P2RY14: variants seen among roughly 807,000 people sequenced by gnomAD.
P2RY14 encodes purinergic receptor P2Y14.
P2RY14 carries 2 observed loss-of-function variants against 0.9 expected under a neutral mutation model. The observed-to-expected ratio is 2.16, with a 90% CI of 0.88 to 6.79. The LOEUF (loss-of-function observed/expected upper bound fraction) is 6.79, where lower values mean the gene tolerates loss of function less well. Ranked by LOEUF, P2RY14 falls within the 30% of genes most tolerant of loss-of-function variation. The pLI is 0.05. For missense variants in P2RY14, 378 were observed against 400.1 expected, an observed-to-expected ratio of 0.94 and a Z score of 0.47; for synonymous variants, 158 against 147.2, an observed-to-expected ratio of 1.07 and a Z score of -0.53.
At chr3:151,214,809 T>C (rs181319061) in intron 2 of P2RY14, among the ~76,000 whole-genome samples, 9 of 152,316 alleles carry the variant, frequency 5.9e-5, no homozygotes, top group Admixed American at 2.0e-4. Context: ...AGGTATAATC[T>C]TAAAAGGTAG....
At chr3:151,214,668 C>T (rs560077942) in intron 2 of P2RY14, among the ~76,000 whole-genome samples, 1 of 150,684 alleles carries the variant, frequency 6.6e-6, no homozygotes, top group African/African-American at 2.4e-5. Flanking sequence ...ATGGAGCAGA[C>T]AGGTGGCAGT....
intron 1 of P2RY14, among the ~76,000 whole-genome samples, chr3:151,251,795 A>G (rs758268721): frequency 1.3e-5 from 2 of 152,192 alleles, no homozygotes; most frequent in East Asian, 1.9e-4. Context: ...CTGAATTTGA[A>G]TTGCATTTTA....
rs557454298 is a variant in P2RY14 at position 151,213,742 on chromosome 3, A to G, written c.575T>C (p.Val192Ala). The G allele has an allele frequency of 2.5e-6, 4 of 1,614,208 alleles. No homozygotes were observed. The South Asian group carries it at 3.3e-5, about 13-fold the overall frequency. Residue 192 changes from valine (V) to alanine (A), a missense_variant, in exon 3 of 3, where the codon GTG becomes GCG. Coordinates refer to ENST00000309170, the MANE Select transcript of P2RY14 (RefSeq NM_014879.4). ...AAGAAACACAATCCAGAAGATGGCC[A>G]CGAAGATGTAGTTTGATGCTTTGTG... Reference protein sequence around the residue: ...KWHKASNYIFVAIFWIVFLLL... With the variant: ...KWHKASNYIFAAIFWIVFLLL...
chr3:151,255,055 G>A (rs569281648), intron 1 of P2RY14, among the ~76,000 whole-genome samples: 2 of 152,104 alleles, frequency 1.3e-5, no homozygotes, highest in East Asian at 1.9e-4. Flanking sequence ...AATAAGCGAG[G>A]CCTTTGCTTG....
At chr3:151,263,410 G>T (rs1338316526) in intron 1 of P2RY14, among the ~76,000 whole-genome samples, 1 of 152,164 alleles carries the variant, frequency 6.6e-6, no homozygotes. Flanking sequence ...TTCACAATTT[G>T]CTATCATAGT....
At chr3:151,215,335 A>G (rs1284829982) in intron 2 of P2RY14, among the ~76,000 whole-genome samples, 1 of 152,216 alleles carries the variant, frequency 6.6e-6, no homozygotes, top group South Asian at 2.1e-4. Context: ...TATAAAATGC[A>G]CACTAGACTT....
At chr3:151,242,371 C>T (rs954913080) in intron 1 of P2RY14, among the ~76,000 whole-genome samples, 14 of 152,232 alleles carry the variant, frequency 9.2e-5, no homozygotes, top group African/African-American at 3.4e-4. Flanking sequence ...CTTAAATGTC[C>T]CTGTCTGACA....
At chr3:151,270,078 A>C in intron 1 of P2RY14, 1 of 223,092 alleles carries the variant, frequency 4.5e-6, no homozygotes, top group South Asian at 5.8e-5. Context: ...AAGATGAAGA[A>C]GATGAAGATG....
Position 151,214,101 on chromosome 3 carries a change from C to G in P2RY14, c.216G>C (p.Leu72=), listed in dbSNP as rs1306400143. ...CACCAAGGATCTTGAAAGGAAAAGT[C>G]AGGCTCATCACAAAGTCAGCAATAA... ...NIVIADFVMS[L]TFPFKILGDS... Residue 72 remains leucine (L), a synonymous_variant, in exon 3 of 3, where the codon CTG becomes CTC. Transcript: ENST00000309170. 6.2e-7 allele frequency: 1 copy of G among 1,614,134 alleles called. No homozygotes were observed. Among genetic ancestry groups the G allele is most frequent in the South Asian group, 1.1e-5 (1 of 91,076 alleles).
At chr3:151,223,594 C>T (rs1196041888) in intron 1 of P2RY14, among the ~76,000 whole-genome samples, 1 of 152,094 alleles carries the variant, frequency 6.6e-6, no homozygotes, top group Non-Finnish European at 1.5e-5. Context: ...AAACAGAAAA[C>T]CAAATACCAC....
intron 1 of P2RY14, among the ~76,000 whole-genome samples, chr3:151,277,453 A>G (rs561761458): frequency 6.6e-6 from 1 of 152,116 alleles, no homozygotes; most frequent in South Asian, 2.1e-4. Context: ...TCAAGTTTGT[A>G]TGTTTTAGAA....
intron 1 of P2RY14, among the ~76,000 whole-genome samples, chr3:151,223,744 C>T (rs1729893652): frequency 6.6e-6 from 1 of 152,122 alleles, no homozygotes; most frequent in Non-Finnish European, 1.5e-5. Context: ...GTTTTGTGTT[C>T]ACTATTTGGG....
intron 1 of P2RY14, among the ~76,000 whole-genome samples, chr3:151,250,769 T>C (rs891994391): frequency 6.6e-6 from 1 of 152,208 alleles, no homozygotes; most frequent in African/African-American, 2.4e-5. Flanking sequence ...TTTCAGTTCT[T>C]TTGGTTATGT....
intron 1 of P2RY14, chr3:151,269,690 A>G (rs1410869147): frequency 2.4e-6 from 1 of 417,706 alleles, no homozygotes; most frequent in Non-Finnish European, 4.6e-6. Context: ...TTACAGAAAG[A>G]TTTTTATTTT....
At position 151,229,330 on chromosome 3, in the gene P2RY14, T is replaced by G. The variant is rs11711104; in HGVS notation, c.-132-9688A>C. Among the ~76,000 whole-genome samples the G allele has an allele frequency of 3.0e-4, 42 of 142,162 alleles. No homozygotes were observed. The East Asian group carries it at 7.5e-3, about 25-fold the overall frequency. The allele number at this position is 142,162 out of a possible 152,430, so 93.3% of individuals were successfully genotyped here. On this transcript the variant is annotated intron_variant, in intron 1 of 2. Transcript: ENST00000309170. Reference sequence around the variant, plus strand: ...CTTTTTTTTTTTTTTTTTTTTGAGATGGAGTCTTGCTCTGTTGCTCAGGCT... The same window carrying G: ...CTTTTTTTTTTTTTTTTTTTTGAGAGGGAGTCTTGCTCTGTTGCTCAGGCT...
At chr3:151,262,225 A>G (rs1229873406) in intron 1 of P2RY14, among the ~76,000 whole-genome samples, 4 of 152,240 alleles carry the variant, frequency 2.6e-5, no homozygotes, top group South Asian at 4.1e-4. Context: ...TAAAGGAAAC[A>G]TTTTGGTTTC....
chr3:151,214,586 C>T (rs1398525827), intron 2 of P2RY14, among the ~76,000 whole-genome samples: 2 of 142,650 alleles, frequency 1.4e-5, no homozygotes, highest in Non-Finnish European at 3.0e-5. Context: ...CTCCTTTCTT[C>T]CTTCTCCCCT....
intron 1 of P2RY14, among the ~76,000 whole-genome samples, chr3:151,260,869 C>T (rs145559288): frequency 1.2e-3 from 183 of 152,246 alleles, no homozygotes; most frequent in African/African-American, 4.1e-3. Flanking sequence ...AAAGCTGAGA[C>T]GTTTCCAGTA....
intron 1 of P2RY14, among the ~76,000 whole-genome samples, chr3:151,233,472 G>A (rs1479181202): frequency 2.6e-5 from 4 of 152,220 alleles, no homozygotes; most frequent in Non-Finnish European, 5.9e-5. Flanking sequence ...GATGGCTCCC[G>A]CCTGTAATCC....
Sources: gnomAD v4.1 joint callset for allele counts (sites outside exome capture counted in the v4.1 genomes callset) on GRCh38, gnomAD v4.1.1 for gene constraint, MANE v1.5 for transcripts, NCBI Gene and HGNC (gene_info 2026-07-23, HGNC 2026-07-21) for gene names.